Variants in GCNT1 observed in about 807,000 individuals in gnomAD.
GCNT1 encodes beta-1,3-galactosyl-O-glycosyl-glycoprotein beta-1,6-N-acetylglucosaminyltransferase.
In GCNT1, 16 loss-of-function variants were observed where a neutral mutation model predicts 26.2. The ratio of observed to expected loss-of-function variants is 0.61; its 90% CI spans 0.41 to 0.93. The LOEUF (loss-of-function observed/expected upper bound fraction) is 0.93, where lower values mean the gene tolerates loss of function less well. GCNT1 is among the 40% of genes least tolerant of loss of function. The pLI, the probability that GCNT1 is intolerant of heterozygous loss-of-function variation, is 0.00. For synonymous variants in GCNT1, 183 were observed against 190.8 expected (o/e 0.96, Z 0.34); for missense variants, 477 against 526.7 (o/e 0.91, Z 0.92).
upstream of GCNT1, among the ~76,000 whole-genome samples, chr9:76,455,450 G>A (rs930990699): frequency 6.6e-6 from 1 of 152,156 alleles, no homozygotes; most frequent in Admixed American, 6.5e-5. Context: ...TGTTATCCAT[G>A]ATGATTACCT....
intron 1 of GCNT1, among the ~76,000 whole-genome samples, chr9:76,433,361 G>A (rs1823363277): frequency 6.6e-6 from 1 of 152,254 alleles, no homozygotes; most frequent in Non-Finnish European, 1.5e-5. Flanking sequence ...TCAGGCTGTG[G>A]AGGAACTAAA....
intron 1 of GCNT1, among the ~76,000 whole-genome samples, chr9:76,425,137 TA>T (rs1194003045): frequency 0.5 from 36,271 of 73,096 alleles, 6,452 homozygotes; most frequent in Non-Finnish European, 0.53. Context: ...AAACTCCGTC[TA>T]AAAAAAAAAA....
At chr9:76,498,952 A>T (rs1214733613) in intron 2 of GCNT1, among the ~76,000 whole-genome samples, 1 of 151,572 alleles carries the variant, frequency 6.6e-6, no homozygotes, top group African/African-American at 2.4e-5. Flanking sequence ...GCTGCTTTCT[A>T]TTTTTTCATG....
intron 2 of GCNT1, among the ~76,000 whole-genome samples, chr9:76,495,375 C>T (rs903022207): frequency 1.3e-5 from 2 of 152,158 alleles, no homozygotes; most frequent in Non-Finnish European, 2.9e-5. Flanking sequence ...GTGAGTGTTA[C>T]ACCTCTTAAA....
Position 76,502,697 on chromosome 9 carries a change from A to C in GCNT1, c.316A>C (p.Arg106=). The change falls in exon 4 of 4, where the codon AGA becomes CGA. Residue 106 remains arginine, a synonymous_variant. Coordinates refer to ENST00000376730, the MANE Select transcript of GCNT1 (RefSeq NM_001490.5). ...MTSDCSSFIK[R]RKYIVEPLSK... is the part of the protein sequence containing the mutation. ...CAGTGACTGTTCTTCTTTCATCAAGAGACGCAAATATATTGTAGAACCCCT... is the reference window on the plus strand; with the variant it reads ...CAGTGACTGTTCTTCTTTCATCAAGCGACGCAAATATATTGTAGAACCCCT... The C allele has an allele frequency of 6.2e-7, 1 of 1,614,188 alleles. No homozygotes were observed. The highest frequency in any genetic ancestry group is 8.5e-7 in the Non-Finnish European group (1 of 1,180,000).
rs974122936 is a variant in GCNT1 at position 76,487,798 on chromosome 9, G to A, written c.-289-13118G>A. Among the ~76,000 whole-genome samples the A allele has an allele frequency of 3.3e-5, 5 of 152,104 alleles. No homozygotes were observed. In the South Asian group the frequency reaches 8.3e-4, roughly 25 times the overall value. ...TGCCTAGGCTGGAGTGCAGTGGTGC[G>A]ATCATGGCTTACTGCAGCCTTGACC... On this transcript the variant is annotated intron_variant, in intron 2 of 3. Coordinates refer to ENST00000376730, the MANE Select transcript of GCNT1 (RefSeq NM_001490.5).
chr9:76,457,534 C>T (rs911923169), upstream of GCNT1, among the ~76,000 whole-genome samples: 1 of 152,228 alleles, frequency 6.6e-6, no homozygotes, highest in Non-Finnish European at 1.5e-5. Flanking sequence ...CAGGCATGAG[C>T]CACTGTGCCC....
In GCNT1 at chr9:76,503,119, G is replaced by A. The variant is rs774153143; in HGVS notation, c.738G>A (p.Arg246=). Residue 246 remains arginine, a synonymous_variant, in exon 4 of 4, where the codon AGG becomes AGA. Coordinates refer to ENST00000376730, the MANE Select transcript of GCNT1 (RefSeq NM_001490.5). ...LMGENNLETE[R]MPSHKEERWK... is the part of the protein sequence containing the mutation. ...GAGAAAACAACCTGGAAACGGAGAG[G>A]ATGCCATCCCATAAAGAAGAAAGGT... 6.2e-7 allele frequency: 1 copy of A among 1,614,174 alleles called. No homozygotes were observed. The highest frequency in any genetic ancestry group is 1.7e-5 in the Admixed American group (1 of 60,012).
chr9:76,428,291 T>TAAAAAAAAAAAAAAA (rs1564220598), intron 1 of GCNT1, among the ~76,000 whole-genome samples: 2 of 77,028 alleles, frequency 2.6e-5, no homozygotes, highest in Non-Finnish European at 6.0e-5. Context: ...AAAAAAAAAC[T>TAAAAAAAAAAAAAAA]TAAAAAAAAA....
upstream of GCNT1, among the ~76,000 whole-genome samples, chr9:76,455,756 C>T (rs1048084992): frequency 3.3e-5 from 5 of 152,084 alleles, no homozygotes; most frequent in East Asian, 1.9e-4. Context: ...CATGTGCCAC[C>T]GCACCCAGCT....
chr9:76,488,787 G>A (rs1824651222), intron 2 of GCNT1, among the ~76,000 whole-genome samples: 1 of 152,150 alleles, frequency 6.6e-6, no homozygotes, highest in Non-Finnish European at 1.5e-5. Flanking sequence ...CCCAGCCTAA[G>A]CCAGCGCACC....
At chr9:76,479,846 C>T (rs2131614580) in intron 2 of GCNT1, among the ~76,000 whole-genome samples, 1 of 152,172 alleles carries the variant, frequency 6.6e-6, no homozygotes, top group Middle Eastern at 3.4e-3. Flanking sequence ...TGTGCAGAAG[C>T]TCTTTAGTTT....
At chr9:76,443,419 C>A (rs867634636) in intron 1 of GCNT1, among the ~76,000 whole-genome samples, 1 of 152,090 alleles carries the variant, frequency 6.6e-6, no homozygotes. Context: ...TTATGGGAAA[C>A]GAAGGGATGG....
chr9:76,434,982 C>A (rs1471517896), intron 1 of GCNT1, among the ~76,000 whole-genome samples: 5 of 152,114 alleles, frequency 3.3e-5, no homozygotes. Flanking sequence ...TGCTCTCGAA[C>A]CATGTTTTCT....
the GCNT1 span, among the ~76,000 whole-genome samples, chr9:76,398,253 C>G: frequency 6.6e-6 from 1 of 151,968 alleles, no homozygotes; most frequent in East Asian, 1.9e-4. Flanking sequence ...TAAAATTCAG[C>G]AATAAGAAAA....
the GCNT1 span, among the ~76,000 whole-genome samples, chr9:76,403,692 T>A: frequency 6.6e-6 from 1 of 152,218 alleles, no homozygotes; most frequent in African/African-American, 2.4e-5. Flanking sequence ...GCATTCTATC[T>A]TCTTCCTCAA....
chr9:76,456,457 C>G (rs1184540695), upstream of GCNT1, among the ~76,000 whole-genome samples: 2 of 152,208 alleles, frequency 1.3e-5, no homozygotes, highest in Non-Finnish European at 2.9e-5. Flanking sequence ...AACACTTCCC[C>G]TCTCCCCAGC....
chr9:76,406,734 CT>C, the GCNT1 span, among the ~76,000 whole-genome samples: 1 of 151,576 alleles, frequency 6.6e-6, no homozygotes, highest in Admixed American at 6.6e-5. Flanking sequence ...TGTTCACTTT[CT>C]TCTTGTAGAG....
intron 1 of GCNT1, among the ~76,000 whole-genome samples, chr9:76,427,857 C>T (rs1024045054): frequency 6.6e-6 from 1 of 152,086 alleles, no homozygotes; most frequent in African/African-American, 2.4e-5. Flanking sequence ...TAGCACACAC[C>T]TGCAGTCCCA....
Sources: allele counts gnomAD v4.1 joint callset (sites outside exome capture counted in the v4.1 genomes callset), GRCh38; gene constraint gnomAD v4.1.1; transcripts MANE v1.5; gene names NCBI Gene and HGNC (gene_info 2026-07-23, HGNC 2026-07-21).